Variants in ATP8A2 observed in about 807,000 individuals in gnomAD.
ATP8A2 encodes ATPase phospholipid transporting 8A2, also known as phospholipid-transporting ATPase IB.
A neutral mutation model predicts 165.6 loss-of-function variants in ATP8A2; 100 were observed. That is an observed-to-expected ratio of 0.60 (90% CI 0.51 to 0.71). ATP8A2 has a LOEUF of 0.71. ATP8A2 is among the 30% of genes least tolerant of loss of function. ATP8A2 has a pLI of 0.00. For missense variants in ATP8A2, 1,227 were observed against 1,479.5 expected (o/e 0.83, Z 2.80); for synonymous variants, 543 against 548.8 (o/e 0.99, Z 0.15).
At chr13:25,615,940 T>C (rs1230587405) in intron 24 of ATP8A2, among the ~76,000 whole-genome samples, 2 of 152,152 alleles carry the variant, frequency 1.3e-5, no homozygotes, top group Non-Finnish European at 2.9e-5. Flanking sequence ...CAAGGGTCTG[T>C]GGATTCTCTC....
Position 25,496,728 on chromosome 13 carries a change from C to G in ATP8A2, c.221+27607C>G, listed in dbSNP as rs1420690049. ...ATAGCCCAGGATTTTAAAAAAAGTC[C>G]TATTTACTTAGAGGAACAATTTGTT... On this transcript the variant is annotated intron_variant, in intron 2 of 36. Transcript: ENST00000381655. 2.0e-5 allele frequency among the ~76,000 whole-genome samples: 3 copies of G among 152,102 alleles called. No individual in the cohort carries two copies. In the East Asian group the frequency reaches 5.8e-4, roughly 29 times the overall value.
intron 33 of ATP8A2, among the ~76,000 whole-genome samples, chr13:25,932,005 G>A (rs984833908): frequency 3.3e-5 from 5 of 150,126 alleles, no homozygotes; most frequent in African/African-American, 9.9e-5. Flanking sequence ...CCGAGATCAC[G>A]CCATTGGACT....
chr13:25,964,872 C>T (rs1955743547), intron 34 of ATP8A2, among the ~76,000 whole-genome samples: 1 of 152,088 alleles, frequency 6.6e-6, no homozygotes, highest in Non-Finnish European at 1.5e-5. Flanking sequence ...TTTGAAAGGG[C>T]TTTTAGACCA....
At chr13:25,857,365 C>G (rs1952197820) in intron 30 of ATP8A2, among the ~76,000 whole-genome samples, 1 of 152,046 alleles carries the variant, frequency 6.6e-6, no homozygotes, top group Non-Finnish European at 1.5e-5. Context: ...TACCTTATAG[C>G]TCCTGTGTTT....
intron 1 of ATP8A2, among the ~76,000 whole-genome samples, chr13:25,384,277 A>G (rs1924782): frequency 0.85 from 129,732 of 152,220 alleles, 57,531 homozygotes; most frequent in Non-Finnish European, 0.97. Flanking sequence ...TGAAATTTCA[A>G]TACGATGGTT....
Position 25,953,744 on chromosome 13 carries a change from C to G in ATP8A2, c.3184-7831C>G, listed in dbSNP as rs1593618995. ...GGGGCGTTGCCTCACCCGGGAAGCACAGGGGATTGAGGAACTCCCTCCCCT... is the reference window on the plus strand; with the variant it reads ...GGGGCGTTGCCTCACCCGGGAAGCAGAGGGGATTGAGGAACTCCCTCCCCT... On this transcript the variant is annotated intron_variant, in intron 33 of 36. Transcript: ENST00000381655. The surrounding 1 kb of genome is among the most constrained non-coding windows in gnomAD (Gnocchi z 6.7). 6.6e-6 allele frequency among the ~76,000 whole-genome samples: 1 copy of G among 152,000 alleles called. No individual in the cohort carries two copies. Among genetic ancestry groups the G allele is most frequent in the Non-Finnish European group, 1.5e-5 (1 of 68,016 alleles).
At chr13:25,396,480 A>G (rs529554475) in intron 1 of ATP8A2, among the ~76,000 whole-genome samples, 1 of 152,190 alleles carries the variant, frequency 6.6e-6, no homozygotes, top group African/African-American at 2.4e-5. Context: ...AATAGGGCAA[A>G]AGAAGGTCAG....
chr13:25,810,072 G>A (rs1950828096), intron 27 of ATP8A2, among the ~76,000 whole-genome samples: 1 of 152,092 alleles, frequency 6.6e-6, no homozygotes, highest in Non-Finnish European at 1.5e-5. Context: ...TTTTCCATTG[G>A]ATTTTGAACC....
At chr13:25,564,070 T>C in intron 16 of ATP8A2, 39 bp downstream of exon 16, 1 of 1,446,224 alleles carries the variant, frequency 6.9e-7, no homozygotes, top group Non-Finnish European at 9.7e-7. Flanking sequence ...GCAAACAGCT[T>C]ACGGTGCAAC....
intron 34 of ATP8A2, among the ~76,000 whole-genome samples, chr13:25,967,760 G>A (rs1344968162): frequency 6.6e-6 from 1 of 151,908 alleles, no homozygotes; most frequent in Non-Finnish European, 1.5e-5. Flanking sequence ...TTTCCAACTG[G>A]TAGCTCACTT....
At chr13:25,409,137 A>G (rs9511786) in intron 1 of ATP8A2, among the ~76,000 whole-genome samples, 38,700 of 152,098 alleles carry the variant, frequency 0.25, 5,910 homozygotes, top group Non-Finnish European at 0.33. Flanking sequence ...ACTATTGGCG[A>G]GACCAGCAGG....
chr13:25,527,121 G>T (rs1459938242), intron 2 of ATP8A2, among the ~76,000 whole-genome samples: 1 of 151,996 alleles, frequency 6.6e-6, no homozygotes, highest in Admixed American at 6.6e-5. Context: ...CTGTAAATTT[G>T]GTTTTTGTTT....
At chr13:25,395,481 T>C (rs975794642) in intron 1 of ATP8A2, among the ~76,000 whole-genome samples, 2 of 152,118 alleles carry the variant, frequency 1.3e-5, no homozygotes, top group Admixed American at 1.3e-4. Context: ...TTTATTAACG[T>C]ATACATGGGA....
chr13:25,560,215 A>G (rs2039101588), intron 15 of ATP8A2, among the ~76,000 whole-genome samples: 1 of 152,184 alleles, frequency 6.6e-6, no homozygotes, highest in Non-Finnish European at 1.5e-5. Flanking sequence ...AAAACCAGAT[A>G]AAATTTAAGG....
chr13:25,394,839 T>C (rs867324012), intron 1 of ATP8A2, among the ~76,000 whole-genome samples: 7 of 152,042 alleles, frequency 4.6e-5, no homozygotes, highest in Non-Finnish European at 8.8e-5. Flanking sequence ...ATGACTAGAG[T>C]CTTATCAGCC....
At chr13:25,888,236 A>C (rs984018328) in intron 33 of ATP8A2, among the ~76,000 whole-genome samples, 18 of 152,310 alleles carry the variant, frequency 1.2e-4, no homozygotes, top group Admixed American at 9.8e-4. Context: ...AAAGTGAAAT[A>C]GCTTTGGGCT....
At chr13:25,905,520 G>A (rs191036663) in intron 33 of ATP8A2, among the ~76,000 whole-genome samples, 5 of 152,142 alleles carry the variant, frequency 3.3e-5, no homozygotes, top group Admixed American at 2.6e-4. Flanking sequence ...CTGGTATCCC[G>A]TGCTATCCCT....
rs550825681 is a variant in ATP8A2 at position 25,495,878 on chromosome 13, C to T, written c.221+26757C>T. Among the ~76,000 whole-genome samples the T allele has an allele frequency of 1.3e-4, 20 of 152,026 alleles. No individual in the cohort carries two copies. In the East Asian group the frequency reaches 2.9e-3, roughly 22 times the overall value. On this transcript the variant is annotated intron_variant, in intron 2 of 36. Coordinates refer to ENST00000381655, the MANE Select transcript of ATP8A2 (RefSeq NM_016529.6). Reference sequence around the variant, plus strand: ...GCTGTACACCTCAAGCTGCTTGGTTCGAATATATTTCATCTTTCTGGATTA... The same window carrying T: ...GCTGTACACCTCAAGCTGCTTGGTTTGAATATATTTCATCTTTCTGGATTA...
Position 25,468,813 on chromosome 13 carries a change from G to A in ATP8A2, c.77-164G>A, listed in dbSNP as rs567864427. 9 of 982,142 alleles carry A rather than the reference G, an allele frequency of 9.2e-6. No individual in the cohort carries two copies. The Admixed American group carries it at 4.3e-4, about 47-fold the overall frequency. The allele number at this position is 982,142 out of a possible 1,614,324, so 60.8% of individuals were successfully genotyped here. The stretch of plus-strand genomic sequence containing the variant: ...GGCCGGCCTTGGCTGCCGCGGCACA[G>A]GCGGCGGCGTCTCCAGGGGGAGCCA... On this transcript the variant is annotated intron_variant, in intron 1 of 36. Transcript: ENST00000381655.
Sources: gnomAD v4.1 joint callset for allele counts (sites outside exome capture counted in the v4.1 genomes callset) on GRCh38, gnomAD v4.1.1 for gene constraint, Gnocchi (gnomAD v3.1) non-coding constraint, MANE v1.5 for transcripts, NCBI Gene and HGNC (gene_info 2026-07-23, HGNC 2026-07-21) for gene names.